The following PPME1 variants were observed in gnomAD, a reference collection of about 807,000 sequenced individuals.
The protein encoded by PPME1 is protein phosphatase methylesterase 1.
PPME1 carries 17 observed loss-of-function variants against 56.9 expected under a neutral mutation model. The observed-to-expected ratio is 0.30, with a 90% CI of 0.20 to 0.45. The LOEUF (loss-of-function observed/expected upper bound fraction) is 0.45, where lower values mean the gene tolerates loss of function less well. Ranked by LOEUF, PPME1 falls within the 20% of genes least tolerant of loss-of-function variation. The pLI, the probability that PPME1 is intolerant of heterozygous loss-of-function variation, is 1.00. For synonymous variants in PPME1, 122 were observed against 156.2 expected, an observed-to-expected ratio of 0.78 and a Z score of 1.63; for missense variants, 357 against 483.2, an observed-to-expected ratio of 0.74 and a Z score of 2.45.
chr11:74,189,550 A>G (rs1857779974), intron 1 of PPME1, among the ~76,000 whole-genome samples: 2 of 152,164 alleles, frequency 1.3e-5, no homozygotes, highest in Admixed American at 1.3e-4. Flanking sequence ...CGGCCTCCCA[A>G]AGTGCCGGGA....
At chr11:74,188,649 C>G (rs1384192402) in intron 1 of PPME1, among the ~76,000 whole-genome samples, 1 of 152,158 alleles carries the variant, frequency 6.6e-6, no homozygotes, top group African/African-American at 2.4e-5. Context: ...ACCTAACTAC[C>G]TATTTGCTTT....
intron 2 of PPME1, 128 bp from the exon 3 acceptor site, chr11:74,204,225 C>T: frequency 1.6e-6 from 1 of 633,070 alleles, no homozygotes; most frequent in Non-Finnish European, 2.7e-6. Context: ...TCAGAAAAGT[C>T]TGCTTACATC....
At chr11:74,172,884 A>G (rs1230458051) in intron 1 of PPME1, among the ~76,000 whole-genome samples, 1 of 152,206 alleles carries the variant, frequency 6.6e-6, no homozygotes, top group Non-Finnish European at 1.5e-5. Context: ...AATATGTGTA[A>G]AAACTTATCA....
chr11:74,174,393 C>G (rs191207012), intron 1 of PPME1, among the ~76,000 whole-genome samples: 110 of 152,186 alleles, frequency 7.2e-4, no homozygotes, highest in African/African-American at 2.6e-3. Flanking sequence ...CAGTCTTTTT[C>G]TTCAGTCGTA....
intron 3 of PPME1, among the ~76,000 whole-genome samples, chr11:74,213,981 A>G (rs776582782): frequency 1.3e-5 from 2 of 152,232 alleles, no homozygotes; most frequent in Non-Finnish European, 2.9e-5. Flanking sequence ...TGACTTCACC[A>G]CATGAACTAA....
rs1859027386 is a variant in PPME1, at chr11:74,230,036, C to A, written c.399-209C>A. Among the ~76,000 whole-genome samples, 1 of 152,086 alleles carries A rather than the reference C, an allele frequency of 6.6e-6. No homozygotes were observed. Among genetic ancestry groups the A allele is most frequent in the Non-Finnish European group, 1.5e-5 (1 of 68,018 alleles). On this transcript the variant is annotated intron_variant, in intron 5 of 13. Transcript: ENST00000328257. This position sits in a 1 kb window ranked among gnomAD's most constrained non-coding sequence, Gnocchi z 4.9. ...ATTTGGGTTCTTAGTCCTTTACCTGCCATTTATCAGGAGAGCTAGGTGTGT... is the reference window on the plus strand; with the variant it reads ...ATTTGGGTTCTTAGTCCTTTACCTGACATTTATCAGGAGAGCTAGGTGTGT...
intron 7 of PPME1, among the ~76,000 whole-genome samples, chr11:74,232,194 C>G (rs1313523587): frequency 6.6e-6 from 1 of 152,194 alleles, no homozygotes. Flanking sequence ...CCAATACTCC[C>G]TTGAGGGATA....
chr11:74,242,749 T>G (rs1483817936), intron 9 of PPME1, among the ~76,000 whole-genome samples: 3 of 151,462 alleles, frequency 2.0e-5, no homozygotes, highest in Non-Finnish European at 2.9e-5. Context: ...CGTGGTGGCG[T>G]GCGTCTGTAG....
intron 4 of PPME1, among the ~76,000 whole-genome samples, chr11:74,224,265 G>A (rs1181303194): frequency 5.5e-5 from 8 of 146,670 alleles, no homozygotes; most frequent in South Asian, 4.3e-4. Flanking sequence ...GATATGTGGC[G>A]ATATTTCTGA....
At chr11:74,204,087 G>GAGTTGA (rs1250657079) in intron 2 of PPME1, among the ~76,000 whole-genome samples, 1 of 151,928 alleles carries the variant, frequency 6.6e-6, no homozygotes, top group African/African-American at 2.4e-5. Context: ...TGAGTCAAGT[G>GAGTTGA]AGTTGAACTA....
chr11:74,243,405 C>T (rs913745332), intron 9 of PPME1: 1 of 150,918 alleles, frequency 6.6e-6, no homozygotes, highest in Non-Finnish European at 1.5e-5. Flanking sequence ...TTGTCATTTC[C>T]CTGTGAAGTT....
In PPME1 at chr11:74,230,764, G is replaced by T. The variant is rs1859045469; in HGVS notation, c.554-148G>T. On this transcript the variant is annotated intron_variant, in intron 6 of 13. Coordinates refer to ENST00000328257, the MANE Select transcript of PPME1 (RefSeq NM_016147.3). The surrounding 1 kb of genome is among the most constrained non-coding windows in gnomAD (Gnocchi z 4.9). ...ACATAAAGAAGTGAATACCCCAGAG[G>T]CAAAAATTATTGAGGGCCATCTTTA... 1.5e-6 allele frequency: 1 copy of T among 685,646 alleles called. No homozygotes were observed. The highest frequency in any genetic ancestry group is 2.5e-6 in the Non-Finnish European group (1 of 404,344). 42.5% of individuals were successfully genotyped at this position (685,646 alleles called of 1,614,324 possible).
At chr11:74,239,645 C>A (rs547104864) in intron 9 of PPME1, among the ~76,000 whole-genome samples, 1 of 149,284 alleles carries the variant, frequency 6.7e-6, no homozygotes, top group African/African-American at 2.5e-5. Flanking sequence ...GGCGCGATCT[C>A]GGCTCACTGC....
chr11:74,247,924 G>A (rs1005760909), intron 11 of PPME1: 3 of 152,758 alleles, frequency 2.0e-5, no homozygotes, highest in Admixed American at 1.3e-4. Context: ...GGAAAACTGA[G>A]TTTTGAATAC....
Position 74,191,759 on chromosome 11 carries a change from T to G in PPME1, c.102-11969T>G, listed in dbSNP as rs187291412. The stretch of plus-strand genomic sequence containing the variant: ...ACTGTAAGCCTTGACCACTTCCATG[T>G]GGTTGGTAAGCCTGCATGCACATAG... On this transcript the variant is annotated intron_variant, in intron 1 of 13. Transcript: ENST00000328257. Among the ~76,000 whole-genome samples the G allele has an allele frequency of 2.5e-3, 384 of 152,286 alleles. 2 individuals are homozygous for G. The highest frequency in any genetic ancestry group is 3.0e-3 in the Non-Finnish European group (202 of 68,022).
chr11:74,228,773 T>C (rs1858993983), intron 5 of PPME1, among the ~76,000 whole-genome samples: 1 of 152,178 alleles, frequency 6.6e-6, no homozygotes, highest in Non-Finnish European at 1.5e-5. Flanking sequence ...CGTTAGGTGA[T>C]GTTATAAGAA....
chr11:74,230,230 C>T lies in PPME1; in HGVS notation c.399-15C>T, dbSNP rs1243041834. 6.3e-7 allele frequency: 1 copy of T among 1,584,596 alleles called. No homozygotes were observed. The highest frequency in any genetic ancestry group is 1.9e-5 in the Admixed American group (1 of 51,434). ...TCAGAAAGCATTCTTAGATCTTTTTCTCTTCTCTTTGCAGAGACGTTGGCA... is the reference window on the plus strand; with the variant it reads ...TCAGAAAGCATTCTTAGATCTTTTTTTCTTCTCTTTGCAGAGACGTTGGCA... On this transcript the variant is annotated splice_polypyrimidine_tract_variant and intron_variant, in intron 5 of 13. Coordinates refer to ENST00000328257, the MANE Select transcript of PPME1 (RefSeq NM_016147.3). The surrounding 1 kb of genome is among the most constrained non-coding windows in gnomAD (Gnocchi z 4.9).
intron 1 of PPME1, among the ~76,000 whole-genome samples, chr11:74,184,775 G>A (rs1025251312): frequency 5.3e-5 from 8 of 152,076 alleles, no homozygotes; most frequent in Admixed American, 1.3e-4. Flanking sequence ...GCTCTTTGAA[G>A]GAAAGGACTA....
chr11:74,252,168 A>G (rs1859700034), intron 13 of PPME1, among the ~76,000 whole-genome samples: 1 of 146,576 alleles, frequency 6.8e-6, no homozygotes, highest in South Asian at 2.2e-4. Flanking sequence ...ACCTGGGCTC[A>G]AGTGATCCAG....
Sources: gnomAD v4.1 joint callset for allele counts (sites outside exome capture counted in the v4.1 genomes callset) on GRCh38, gnomAD v4.1.1 for gene constraint, Gnocchi (gnomAD v3.1) non-coding constraint, MANE v1.5 for transcripts, NCBI Gene and HGNC (gene_info 2026-07-23, HGNC 2026-07-21) for gene names.